GARNL3: variants seen among roughly 807,000 people sequenced by gnomAD.
GARNL3 encodes GTPase activating Rap/RanGAP domain like 3.
Under a neutral mutation model 125.0 loss-of-function variants are expected in GARNL3, and 63 were observed. The ratio of observed to expected loss-of-function variants is 0.50; its 90% CI spans 0.41 to 0.62. GARNL3 has a LOEUF of 0.62. Ranked by LOEUF, GARNL3 falls within the 20% of genes least tolerant of loss-of-function variation. The pLI is 0.00. For synonymous variants in GARNL3, 439 were observed against 457.5 expected, an observed-to-expected ratio of 0.96 and a Z score of 0.52; for missense variants, 994 against 1,244.0, an observed-to-expected ratio of 0.80 and a Z score of 3.02.
At chr9:127,226,949 C>G (rs1226178269) in intron 1 of GARNL3, among the ~76,000 whole-genome samples, 2 of 152,216 alleles carry the variant, frequency 1.3e-5, no homozygotes, top group African/African-American at 4.8e-5. Flanking sequence ...GTGGAACTTT[C>G]CGCAGTGATG....
intron 1 of GARNL3, among the ~76,000 whole-genome samples, chr9:127,279,927 A>G (rs1372353899): frequency 1.3e-5 from 2 of 152,120 alleles, no homozygotes; most frequent in Non-Finnish European, 2.9e-5. Flanking sequence ...AAGCTCCTTG[A>G]TCAATTTCCA....
chr9:127,387,839 A>G (rs148045128), intron 25 of GARNL3, among the ~76,000 whole-genome samples: 7 of 151,924 alleles, frequency 4.6e-5, no homozygotes, highest in African/African-American at 1.7e-4. Context: ...TCCATTATAA[A>G]AATAATAAAT....
rs571728884 is a variant in GARNL3 at position 127,290,123 on chromosome 9, T to C, written c.145-1045T>C. On this transcript the variant is annotated intron_variant, in intron 1 of 27. Transcript: ENST00000373387. ...GAGAATAATAATAATACCTACCTTGTGTTATTATGAGAATTAAACGAGATA... is the reference window on the plus strand; with the variant it reads ...GAGAATAATAATAATACCTACCTTGCGTTATTATGAGAATTAAACGAGATA... Among the ~76,000 whole-genome samples, 7 of 152,340 alleles carry C rather than the reference T, an allele frequency of 4.6e-5. No homozygotes were observed. In the South Asian group the frequency reaches 1.0e-3, roughly 23 times the overall value.
rs1473195782 is a variant in GARNL3 at position 127,268,268 on chromosome 9, TG to T, written c.144+3248del. Among the ~76,000 whole-genome samples, 7 of 152,330 alleles carry T rather than the reference TG, an allele frequency of 4.6e-5. No homozygotes were observed. In the South Asian group the frequency reaches 1.4e-3, roughly 32 times the overall value. On this transcript the variant is annotated intron_variant, in intron 1 of 27. Transcript: ENST00000373387. ...GCCTTAACCAGGGATTGTTTTCTTATGAAGAACAGAGATCTGTTCTGTCTAG... is the reference window on the plus strand; with the variant it reads ...GCCTTAACCAGGGATTGTTTTCTTATAAGAACAGAGATCTGTTCTGTCTAG...
At chr9:127,346,270 A>T (rs1169949222) in intron 16 of GARNL3, among the ~76,000 whole-genome samples, 1 of 152,244 alleles carries the variant, frequency 6.6e-6, no homozygotes, top group East Asian at 1.9e-4. Context: ...TAAATGGGAC[A>T]GATTTACAGC....
In GARNL3 at chr9:127,354,380, T is replaced by G. The variant is rs1333421216; in HGVS notation, c.1729T>G (p.Cys577Gly). The change falls in exon 19 of 28, where the codon TGC (cysteine) becomes GGC (glycine). Residue 577 changes from cysteine (C) to glycine (G), a missense_variant. Around this residue, in one of 5 missense-constraint regions of GARNL3, gnomAD observed 728 missense variants for 865.7 expected, o/e 0.84. Coordinates refer to ENST00000373387, the MANE Select transcript of GARNL3 (RefSeq NM_032293.5). ...GCAGGCTGGGAAGAGCAGGTCTGACTGCAGAGAAAACAAGTTGGAGAAAAC... is the reference window on the plus strand; with the variant it reads ...GCAGGCTGGGAAGAGCAGGTCTGACGGCAGAGAAAACAAGTTGGAGAAAAC... ...GKQAGKSRSDCRENKLEKTKG... is the reference protein window; with the variant it reads ...GKQAGKSRSDGRENKLEKTKG... 2 of 1,612,426 alleles carry G rather than the reference T, an allele frequency of 1.2e-6. No homozygotes were observed. Among genetic ancestry groups the G allele is most frequent in the Non-Finnish European group, 8.5e-7 (1 of 1,178,932 alleles).
intron 7 of GARNL3, among the ~76,000 whole-genome samples, chr9:127,325,400 G>A (rs1035218161): frequency 6.6e-6 from 1 of 152,164 alleles, no homozygotes; most frequent in Non-Finnish European, 1.5e-5. Context: ...AAAGTAGGGT[G>A]TGTGTGCTTT....
At chr9:127,324,636 A>G (rs1450510846) in intron 6 of GARNL3, among the ~76,000 whole-genome samples, 1 of 152,240 alleles carries the variant, frequency 6.6e-6, no homozygotes, top group Non-Finnish European at 1.5e-5. Context: ...AAACTTTTAT[A>G]TGGGGTGACT....
intron 22 of GARNL3, among the ~76,000 whole-genome samples, chr9:127,374,127 C>T (rs866434012): frequency 6.6e-6 from 1 of 152,016 alleles, no homozygotes; most frequent in Admixed American, 6.5e-5. Flanking sequence ...CATGGTAAAA[C>T]CTCGCCTCTA....
At chr9:127,263,967 A>C (rs1199199889), upstream of GARNL3, 4 of 1,528,280 alleles carry the variant, frequency 2.6e-6, no homozygotes, top group Admixed American at 8.0e-5. Flanking sequence ...TAATTTAGAA[A>C]ATGCAACCTA....
chr9:127,368,910 G>T (rs10987616), intron 22 of GARNL3: 18,257 of 152,326 alleles, frequency 0.12, 1,462 homozygotes, highest in East Asian at 0.31. Context: ...ACTCCAGCCT[G>T]GGTGACAGAG....
In GARNL3 at chr9:127,264,889, T is replaced by A; in HGVS notation, c.12T>A (p.Asp4Glu). 1 of 1,581,216 alleles carries A rather than the reference T, an allele frequency of 6.3e-7. No individual in the cohort carries two copies. Among genetic ancestry groups the A allele is most frequent in the Non-Finnish European group, 8.6e-7 (1 of 1,160,594 alleles). The stretch of plus-strand genomic sequence containing the variant: ...AGCCCTTTTTGCAAATGGTAGTTGA[T>A]TTTTGCAGAAGGTTTGTGGCCAGAT... Reference protein sequence around the residue: MVVDFCRRFVARSL... With the variant: MVVEFCRRFVARSL... The change falls in exon 1 of 28, where the codon GAT becomes GAA. Residue 4 changes from aspartate (D) to glutamate (E), a missense_variant. Asp to Glu is a conservative substitution (Grantham distance 45, BLOSUM62 2). Around this residue, in one of 5 missense-constraint regions of GARNL3, gnomAD observed 37 missense variants for 34.2 expected, o/e 1.08. Transcript: ENST00000373387.
At chr9:127,283,768 C>T (rs758035150) in intron 1 of GARNL3, among the ~76,000 whole-genome samples, 3 of 152,196 alleles carry the variant, frequency 2.0e-5, no homozygotes, top group African/African-American at 7.2e-5. Flanking sequence ...CAGTGCCTGG[C>T]AGATCCTAGC....
At position 127,327,997 on chromosome 9, in the gene GARNL3, A is replaced by C. The variant is rs190576581; in HGVS notation, c.594+2902A>C. On this transcript the variant is annotated intron_variant, in intron 7 of 27. Transcript: ENST00000373387. ...ACAGATATTTATTGAGCACCCACTG[A>C]GTGCATGCACATGCCTGTTGTAACA... Among the ~76,000 whole-genome samples the C allele has an allele frequency of 3.5e-3, 535 of 152,312 alleles. 4 individuals are homozygous for C. The highest frequency in any genetic ancestry group is 0.013 in the African/African-American group (520 of 41,574).
intron 1 of GARNL3, chr9:127,225,449 G>A: frequency 2.6e-6 from 2 of 779,744 alleles, no homozygotes; most frequent in South Asian, 5.8e-5. Context: ...TGCCGGCCAC[G>A]TGGGGGGATG....
At chr9:127,282,672 GT>G (rs1048876630) in intron 1 of GARNL3, among the ~76,000 whole-genome samples, 25 of 151,920 alleles carry the variant, frequency 1.6e-4, no homozygotes, top group South Asian at 8.3e-4. Context: ...ATCTTTTTGA[GT>G]TTTTTTTCTA....
At chr9:127,253,090 A>G (rs1181735626) in intron 2 of GARNL3, among the ~76,000 whole-genome samples, 2 of 152,228 alleles carry the variant, frequency 1.3e-5, no homozygotes, top group African/African-American at 4.8e-5. Flanking sequence ...AATTTCATGA[A>G]TATGCTGTAT....
Position 127,320,757 on chromosome 9 carries a change from T to A in GARNL3, c.546T>A (p.Ile182=). The change falls in exon 6 of 28, where the codon ATT becomes ATA. Residue 182 remains isoleucine (I), a synonymous_variant. Coordinates refer to ENST00000373387, the MANE Select transcript of GARNL3 (RefSeq NM_032293.5). ...LDKFEKGPRE[I]FHPEIQKDLL... ...AATTTGAGAAAGGCCCCAGGGAAATTTTTCATCCTGAAATACAAAAGGTAA... is the reference window on the plus strand; with the variant it reads ...AATTTGAGAAAGGCCCCAGGGAAATATTTCATCCTGAAATACAAAAGGTAA... The A allele has an allele frequency of 6.2e-7, 1 of 1,610,806 alleles. No individual in the cohort carries two copies.
In GARNL3 at chr9:127,252,462, A is replaced by C. The variant is rs531603101; in HGVS notation, c.143+9213A>C. On this transcript the variant is annotated intron_variant, in intron 2 of 10. Coordinates refer to the GARNL3 transcript ENST00000439286. Reference sequence around the variant, plus strand: ...ATAAGTGCTTCATACGTCTTTTTTCATTAAATCCAATGGGAAGGCACTATG... The same window carrying C: ...ATAAGTGCTTCATACGTCTTTTTTCCTTAAATCCAATGGGAAGGCACTATG... 2.6e-5 allele frequency among the ~76,000 whole-genome samples: 4 copies of C among 152,246 alleles called. No homozygotes were observed. The South Asian group carries it at 8.3e-4, about 32-fold the overall frequency.
Sources: allele counts gnomAD v4.1 joint callset (sites outside exome capture counted in the v4.1 genomes callset), GRCh38; gene constraint gnomAD v4.1.1; regional missense constraint gnomAD v4.1.1; transcripts MANE v1.5; gene names NCBI Gene and HGNC (gene_info 2026-07-23, HGNC 2026-07-21).